The following ANKRD39 variants were observed in gnomAD, a reference collection of about 807,000 sequenced individuals.
ANKRD39 encodes the protein ankyrin repeat domain-containing protein 39.
A neutral mutation model predicts 20.3 loss-of-function variants in ANKRD39; 18 were observed. That is an observed-to-expected ratio of 0.89 (90% CI 0.61 to 1.32). The LOEUF (loss-of-function observed/expected upper bound fraction) is 1.32. Among genes scored for constraint, ANKRD39 ranks in the 40% most tolerant of loss-of-function variants. The pLI is 0.00. For synonymous variants in ANKRD39, 106 were observed against 111.9 expected (o/e 0.95, Z 0.33); for missense variants, 243 against 250.7 (o/e 0.97, Z 0.21).
At chr2:96,856,337 C>T (rs2079864855) in intron 1 of ANKRD39, among the ~76,000 whole-genome samples, 1 of 151,572 alleles carries the variant, frequency 6.6e-6, no homozygotes, top group Admixed American at 6.6e-5. Context: ...AGCCGGGCGT[C>T]GTGGCACACG....
At chr2:96,857,780 C>T in intron 1 of ANKRD39, 108 bp downstream of exon 1, 1 of 1,216,964 alleles carries the variant, frequency 8.2e-7, no homozygotes, top group South Asian at 1.4e-5. Flanking sequence ...GCCCCAAGCC[C>T]CAAGCCCCAA....
Position 96,857,879 on chromosome 2 carries a change from C to T in ANKRD39, c.100+9G>A, listed in dbSNP as rs373765651. 1,108 of 1,567,602 alleles carry T rather than the reference C, an allele frequency of 7.1e-4. 2 individuals are homozygous for T. The highest frequency in any genetic ancestry group is 8.6e-4 in the Admixed American group (47 of 54,868). On this transcript the variant is annotated intron_variant, in intron 1 of 3. Transcript: ENST00000393537. ...GGTGAGAACCACGAGGGCCGCGCGGCAGCCTCACCCCTCTCGAAGTCCATC... is the reference window on the plus strand; with the variant it reads ...GGTGAGAACCACGAGGGCCGCGCGGTAGCCTCACCCCTCTCGAAGTCCATC...
intron 3 of ANKRD39, among the ~76,000 whole-genome samples, chr2:96,850,991 G>GCAA (rs2079834197): frequency 6.6e-6 from 1 of 152,208 alleles, no homozygotes; most frequent in African/African-American, 2.4e-5. Context: ...TGCTAAGGCT[G>GCAA]CAATGTTTTT....
chr2:96,851,913 G>A (rs2079839811), intron 3 of ANKRD39, among the ~76,000 whole-genome samples: 1 of 152,130 alleles, frequency 6.6e-6, no homozygotes, highest in African/African-American at 2.4e-5. Flanking sequence ...TAAAATGGCT[G>A]GATGTGGTAG....
intron 1 of ANKRD39, among the ~76,000 whole-genome samples, 181 bp from the exon 2 acceptor site, chr2:96,854,622 A>C (rs887159186): frequency 6.6e-6 from 1 of 152,244 alleles, no homozygotes; most frequent in African/African-American, 2.4e-5. Flanking sequence ...AGCTGTGAAC[A>C]AGACAGATGG....
chr2:96,849,776 C>T (rs768970286), intron 3 of ANKRD39, among the ~76,000 whole-genome samples: 1 of 152,178 alleles, frequency 6.6e-6, no homozygotes, highest in Non-Finnish European at 1.5e-5. Flanking sequence ...TAGGCATGAG[C>T]CAAAGTGCCT....
intron 3 of ANKRD39, 74 bp from the exon 4 acceptor site, chr2:96,848,518 T>C: frequency 6.4e-7 from 1 of 1,569,476 alleles, no homozygotes; most frequent in Non-Finnish European, 8.7e-7. Flanking sequence ...CCACTTTCAG[T>C]GGTTCTTCCT....
chr2:96,848,489 G>T (rs375112201), intron 3 of ANKRD39, 45 bp from the exon 4 acceptor site: 1 of 1,608,746 alleles, frequency 6.2e-7, no homozygotes, highest in Non-Finnish European at 8.5e-7. Flanking sequence ...CCCCCCACTG[G>T]GCTCTGCTCT....
intron 3 of ANKRD39, among the ~76,000 whole-genome samples, chr2:96,849,055 T>A (rs762979971): frequency 5.9e-5 from 9 of 152,154 alleles, no homozygotes; most frequent in Non-Finnish European, 1.3e-4. Context: ...CCTGCACACA[T>A]CACCTAGAGG....
chr2:96,853,924 C>T (rs1318470661), intron 2 of ANKRD39, among the ~76,000 whole-genome samples: 1 of 152,164 alleles, frequency 6.6e-6, no homozygotes, highest in Non-Finnish European at 1.5e-5. Flanking sequence ...GTCAGGAGTT[C>T]GAGACCAGCC....
chr2:96,856,732 G>A (rs904589128), intron 1 of ANKRD39, among the ~76,000 whole-genome samples: 6 of 152,186 alleles, frequency 3.9e-5, no homozygotes, highest in Non-Finnish European at 8.8e-5. Context: ...GCCCCCAGTT[G>A]AGAACTGGGG....
chr2:96,850,899 A>C (rs2079833813), intron 3 of ANKRD39, among the ~76,000 whole-genome samples: 3 of 152,200 alleles, frequency 2.0e-5, no homozygotes, highest in Non-Finnish European at 4.4e-5. Context: ...TGTCTATCCA[A>C]TTGGCAATGA....
chr2:96,850,103 G>A (rs2079829727), intron 3 of ANKRD39, among the ~76,000 whole-genome samples: 2 of 152,172 alleles, frequency 1.3e-5, no homozygotes, highest in South Asian at 2.1e-4. Context: ...TTAACTCTGT[G>A]AACCACTATT....
chr2:96,857,230 G>A (rs2079869585), intron 1 of ANKRD39, among the ~76,000 whole-genome samples: 1 of 152,150 alleles, frequency 6.6e-6, no homozygotes, highest in African/African-American at 2.4e-5. Context: ...CACAGCAGTG[G>A]CAATCGAGGG....
chr2:96,856,344 CACGCCTGTAATCTCAGCT>C (rs1362098052), intron 1 of ANKRD39, among the ~76,000 whole-genome samples: 1 of 151,826 alleles, frequency 6.6e-6, no homozygotes, highest in Non-Finnish European at 1.5e-5. Context: ...CGTCGTGGCA[CACGCCTGTAATCTCAGCT>C]ACTCAGGAGA....
At chr2:96,855,366 T>C (rs908538654) in intron 1 of ANKRD39, among the ~76,000 whole-genome samples, 2 of 152,204 alleles carry the variant, frequency 1.3e-5, no homozygotes, top group African/African-American at 4.8e-5. Flanking sequence ...CAAAGAGTAC[T>C]GCAGACCTAG....
chr2:96,851,306 G>A (rs958370690), intron 3 of ANKRD39, among the ~76,000 whole-genome samples: 16 of 152,132 alleles, frequency 1.1e-4, no homozygotes, highest in African/African-American at 3.6e-4. Flanking sequence ...ACAGGTACGT[G>A]CTACCACGCC....
chr2:96,855,907 G>A (rs1026966798), intron 1 of ANKRD39, among the ~76,000 whole-genome samples: 3 of 152,108 alleles, frequency 2.0e-5, no homozygotes, highest in Non-Finnish European at 4.4e-5. Flanking sequence ...GTGAACCTGG[G>A]AGGTGGAGCT....
At chr2:96,850,678 A>G (rs1300658876) in intron 3 of ANKRD39, among the ~76,000 whole-genome samples, 2 of 151,856 alleles carry the variant, frequency 1.3e-5, no homozygotes, top group African/African-American at 4.8e-5. Flanking sequence ...AAACAAAACA[A>G]AACAAAAAAA....
Sources: allele counts gnomAD v4.1 joint callset (sites outside exome capture counted in the v4.1 genomes callset), GRCh38; gene constraint gnomAD v4.1.1; transcripts MANE v1.5; gene names NCBI Gene and HGNC (gene_info 2026-07-23, HGNC 2026-07-21).